Variants in BBS9 observed in about 807,000 individuals in gnomAD.
BBS9 encodes the protein Bardet-Biedl syndrome 9, also known as protein PTHB1.
Under a neutral mutation model 117.7 loss-of-function variants are expected in BBS9, and 89 were observed. That is an observed-to-expected ratio of 0.76 (90% confidence interval 0.64 to 0.90). BBS9 has a LOEUF of 0.90. BBS9 is among the 40% of genes least tolerant of loss of function. BBS9 has a pLI of 0.00. For synonymous variants in BBS9, 379 were observed against 370.9 expected, an observed-to-expected ratio of 1.02 and a Z score of -0.25; for missense variants, 982 against 1,042.2, an observed-to-expected ratio of 0.94 and a Z score of 0.80.
chr7:33,611,569 A>G (rs1457923539), intron 21 of BBS9, among the ~76,000 whole-genome samples: 1 of 134,366 alleles, frequency 7.4e-6, no homozygotes, highest in Non-Finnish European at 1.5e-5. Context: ...ATTATATGTA[A>G]TATATAAGGT....
At chr7:33,273,342 T>C (rs1198565291) in intron 8 of BBS9, 147 bp downstream of exon 8, 1 of 885,262 alleles carries the variant, frequency 1.1e-6, no homozygotes, top group Non-Finnish European at 1.7e-6. Flanking sequence ...CTTTCAAAGT[T>C]TGAATGGAAG....
At chr7:33,592,728 G>A (rs1283455078) in intron 21 of BBS9, among the ~76,000 whole-genome samples, 1 of 151,966 alleles carries the variant, frequency 6.6e-6, no homozygotes, top group Admixed American at 6.6e-5. Context: ...AACACAATTT[G>A]GTCAAGATTA....
intron 6 of BBS9, 152 bp from the exon 7 acceptor site, chr7:33,264,138 A>G (rs1304339629): frequency 8.3e-6 from 3 of 362,028 alleles, no homozygotes; most frequent in Non-Finnish European, 9.9e-6. Flanking sequence ...ATATCACTCA[A>G]TAAGAATTCA....
intron 20 of BBS9, among the ~76,000 whole-genome samples, chr7:33,516,245 CT>C (rs1847764749): frequency 6.6e-6 from 1 of 151,930 alleles, no homozygotes; most frequent in Non-Finnish European, 1.5e-5. Flanking sequence ...AATCCCAGCA[CT>C]TTGGGAGGCT....
At chr7:33,377,508 T>A (rs13234292) in intron 17 of BBS9, among the ~76,000 whole-genome samples, 23,574 of 152,034 alleles carry the variant, frequency 0.16, 2,268 homozygotes, top group South Asian at 0.21. Context: ...TTTGTTATAT[T>A]TTTTTTGTTT....
At chr7:33,379,784 G>GT (rs1216183996) in intron 17 of BBS9, among the ~76,000 whole-genome samples, 1 of 152,144 alleles carries the variant, frequency 6.6e-6, no homozygotes, top group Non-Finnish European at 1.5e-5. Flanking sequence ...TGCTTAATAT[G>GT]TCAAGCATTG....
At chr7:33,453,920 A>G (rs997133860) in intron 19 of BBS9, among the ~76,000 whole-genome samples, 1 of 152,240 alleles carries the variant, frequency 6.6e-6, no homozygotes, top group Non-Finnish European at 1.5e-5. Context: ...GGAAGTCTTC[A>G]GGTCAAGAGT....
At chr7:33,152,649 T>C in intron 2 of BBS9, 52 bp from the exon 3 acceptor site, 1 of 1,505,128 alleles carries the variant, frequency 6.6e-7, no homozygotes, top group South Asian at 1.2e-5. Context: ...TCCTAAGAGA[T>C]TTGCTAATGT....
At position 33,273,031 on chromosome 7, in the gene BBS9, T is replaced by C. The variant is rs756512853; in HGVS notation, c.722T>C (p.Ile241Thr). The C allele has an allele frequency of 1.9e-6, 3 of 1,613,760 alleles. No individual in the cohort carries two copies. The highest frequency in any genetic ancestry group is 2.5e-6 in the Non-Finnish European group (3 of 1,179,780). The change falls in exon 8 of 23, where the codon ATT becomes ACT. Residue 241 changes from isoleucine to threonine, a missense_variant. Physicochemically the swap from Ile to Thr is moderately conservative, Grantham distance 89. Coordinates refer to ENST00000242067, the MANE Select transcript of BBS9 (RefSeq NM_198428.3). ...KRLVVDWTLN[I>T]GEQALDICIV... ...TTGTAGGTGGATTGGACTCTAAATA[T>C]TGGAGAGCAAGCCCTTGACATATGT...
intron 8 of BBS9, among the ~76,000 whole-genome samples, 160 bp from the exon 9 acceptor site, chr7:33,273,667 T>C (rs570671487): frequency 8.3e-4 from 127 of 152,344 alleles, no homozygotes; most frequent in Middle Eastern, 3.4e-3. Context: ...CTTTCTTTTT[T>C]ATACTGGTAA....
In BBS9 at chr7:33,564,052, T is replaced by G. The variant is rs544116747; in HGVS notation, c.2521+29876T>G. Among the ~76,000 whole-genome samples, 478 of 152,316 alleles carry G rather than the reference T, an allele frequency of 3.1e-3. 3 individuals carry two copies. The highest frequency in any genetic ancestry group is 0.011 in the African/African-American group (440 of 41,568). ...AATTCATCAATTCTTTAAAAAAAAT[T>G]TCATTATGTTACTGAATCTTGCTTT... is the stretch of plus-strand genomic sequence containing the variant. On this transcript the variant is annotated intron_variant, in intron 21 of 22. Coordinates refer to ENST00000242067, the MANE Select transcript of BBS9 (RefSeq NM_198428.3).
intron 15 of BBS9, among the ~76,000 whole-genome samples, chr7:33,355,431 G>A (rs1421825686): frequency 1.3e-5 from 2 of 151,606 alleles, no homozygotes; most frequent in Non-Finnish European, 3.0e-5. Context: ...TTCTTTTAAG[G>A]GATGGTTTCT....
At chr7:33,594,135 G>A (rs114576102) in intron 21 of BBS9, among the ~76,000 whole-genome samples, 194 of 152,236 alleles carry the variant, frequency 1.3e-3, no homozygotes, top group African/African-American at 4.6e-3. Context: ...CTTTACGGGG[G>A]TTTTAAAACT....
At chr7:33,139,540 C>T (rs1791111173) in intron 1 of BBS9, among the ~76,000 whole-genome samples, 1 of 151,078 alleles carries the variant, frequency 6.6e-6, no homozygotes, top group African/African-American at 2.4e-5. Context: ...TATTCAAACT[C>T]CAGCTTTGTC....
At chr7:33,312,896 G>A (rs1312111315) in intron 9 of BBS9, among the ~76,000 whole-genome samples, 1 of 152,136 alleles carries the variant, frequency 6.6e-6, no homozygotes, top group Middle Eastern at 3.2e-3. Flanking sequence ...TTTCAGGACA[G>A]AGATTTTTGG....
intron 19 of BBS9, among the ~76,000 whole-genome samples, chr7:33,445,280 CT>C (rs1415344312): frequency 6.6e-6 from 1 of 152,144 alleles, no homozygotes; most frequent in East Asian, 1.9e-4. Context: ...CCTATTAGAA[CT>C]GTTATTATTT....
intron 19 of BBS9, among the ~76,000 whole-genome samples, chr7:33,408,260 C>T (rs893736848): frequency 6.6e-6 from 1 of 152,216 alleles, no homozygotes; most frequent in Non-Finnish European, 1.5e-5. Context: ...GATATAATCT[C>T]CTGGTGCGCC....
intron 9 of BBS9, among the ~76,000 whole-genome samples, chr7:33,316,524 A>G (rs1485933532): frequency 6.6e-6 from 1 of 152,182 alleles, no homozygotes; most frequent in East Asian, 1.9e-4. Context: ...GTGATATGAC[A>G]GTTCTGGTTG....
intron 21 of BBS9, among the ~76,000 whole-genome samples, chr7:33,549,501 T>C (rs540785363): frequency 9.9e-4 from 148 of 148,752 alleles, no homozygotes; most frequent in African/African-American, 3.4e-3. Flanking sequence ...ACCTACAAAA[T>C]GGGAGAAAAT....
Sources: allele counts gnomAD v4.1 joint callset (sites outside exome capture counted in the v4.1 genomes callset), GRCh38; gene constraint gnomAD v4.1.1; transcripts MANE v1.5; gene names NCBI Gene and HGNC (gene_info 2026-07-23, HGNC 2026-07-21).